DUSP22: variants seen among roughly 807,000 people sequenced by gnomAD.
DUSP22 encodes the protein dual specificity protein phosphatase 22.
A neutral mutation model predicts 24.5 loss-of-function variants in DUSP22; 24 were observed. The observed-to-expected ratio is 0.98, with a 90% confidence interval of 0.71 to 1.38. The LOEUF is 1.38. Ranked by LOEUF, DUSP22 falls within the 40% of genes most tolerant of loss-of-function variation. The pLI is 0.00. For missense variants in DUSP22, 330 were observed against 269.2 expected, an observed-to-expected ratio of 1.23 and a Z score of -1.58; for synonymous variants, 160 against 106.4, an observed-to-expected ratio of 1.50 and a Z score of -3.10.
intron 4 of DUSP22, among the ~76,000 whole-genome samples, chr6:344,385 A>G (rs1175226219): frequency 2.0e-5 from 3 of 152,304 alleles, no homozygotes; most frequent in Non-Finnish European, 2.9e-5. Flanking sequence ...TCCTGGGCTC[A>G]AGAGATCCTC....
intron 2 of DUSP22, among the ~76,000 whole-genome samples, chr6:308,327 C>A (rs576291919): frequency 1.1e-4 from 17 of 152,410 alleles, no homozygotes; most frequent in African/African-American, 3.4e-4. Flanking sequence ...CAGCTCATTA[C>A]CTCGCTGCTC....
intron 3 of DUSP22, among the ~76,000 whole-genome samples, chr6:329,093 T>C (rs1217838338): frequency 6.6e-6 from 1 of 152,302 alleles, no homozygotes; most frequent in East Asian, 1.9e-4. Context: ...ATGCTTTCTG[T>C]GGAATAAAGA....
chr6:294,528 A>T (rs1757239609), intron 1 of DUSP22, among the ~76,000 whole-genome samples: 1 of 152,292 alleles, frequency 6.6e-6, no homozygotes, highest in Non-Finnish European at 1.5e-5. Context: ...AATATATTTT[A>T]TTTAACAATA....
intron 4 of DUSP22, among the ~76,000 whole-genome samples, chr6:337,741 T>A (rs1354686156): frequency 6.6e-6 from 1 of 152,306 alleles, no homozygotes; most frequent in African/African-American, 2.4e-5. Flanking sequence ...GTGAACGTTT[T>A]ACTCTTTAAG....
At chr6:334,894 T>C (rs1165925131) in intron 3 of DUSP22, among the ~76,000 whole-genome samples, 1 of 152,306 alleles carries the variant, frequency 6.6e-6, no homozygotes, top group Admixed American at 6.5e-5. Flanking sequence ...ACCTACAGGC[T>C]GTTTGCAAAC....
Position 349,137 on chromosome 6 carries a change from A to G in DUSP22, c.*186A>G, listed in dbSNP as rs1760044408. On this transcript the variant is annotated 3_prime_UTR_variant, in exon 7 of 7. Coordinates refer to ENST00000419235, the MANE Select transcript of DUSP22 (RefSeq NM_001286555.3). ...AGGCCCCTGCACTCCGCCCACCCCT[A>G]CCCTGGCTGCACCTGAGCTTGCTGC... 1.4e-6 allele frequency: 2 copies of G among 1,436,974 alleles called. No homozygotes were observed. Among genetic ancestry groups the G allele is most frequent in the African/African-American group, 1.4e-5 (1 of 69,792 alleles). The allele number at this position is 1,436,974 out of a possible 1,614,324, so 89.0% of individuals were successfully genotyped here.
At chr6:300,490 C>T (rs1757529452) in intron 1 of DUSP22, among the ~76,000 whole-genome samples, 1 of 152,302 alleles carries the variant, frequency 6.6e-6, no homozygotes, top group Non-Finnish European at 1.5e-5. Context: ...GAAGCTGCTG[C>T]AGGAATTCAG....
chr6:348,786 G>T lies in DUSP22; in HGVS notation c.453G>T (p.Lys151Asn), dbSNP rs1255966275. The T allele has an allele frequency of 3.1e-6, 5 of 1,614,294 alleles. No homozygotes were observed. Among genetic ancestry groups the T allele is most frequent in the Non-Finnish European group, 4.2e-6 (5 of 1,180,048 alleles). Reference sequence around the variant, plus strand: ...CTCTCCAGTATCGGCAGTGGCTGAAGGAAGAATATGGAGAGAGCCCTTTGC... The same window carrying T: ...CTCTCCAGTATCGGCAGTGGCTGAATGAAGAATATGGAGAGAGCCCTTTGC... ...HEVHQYRQWLKEEYGESPLQD... is the reference protein window; with the variant it reads ...HEVHQYRQWLNEEYGESPLQD... The change falls in exon 7 of 7, where the codon AAG becomes AAT. Residue 151 changes from lysine to asparagine, a missense_variant. Coordinates refer to ENST00000419235, the MANE Select transcript of DUSP22 (RefSeq NM_001286555.3).
At chr6:307,797 A>C (rs576250798) in intron 2 of DUSP22, among the ~76,000 whole-genome samples, 1 of 152,426 alleles carries the variant, frequency 6.6e-6, no homozygotes, top group East Asian at 1.9e-4. Flanking sequence ...CCATGTTCGC[A>C]GTCTTGAGCT....
intron 1 of DUSP22, among the ~76,000 whole-genome samples, chr6:301,838 C>T (rs968191579): frequency 1.9e-4 from 29 of 152,264 alleles, no homozygotes; most frequent in African/African-American, 3.9e-4. Flanking sequence ...GGGCTCCAGA[C>T]GATGAATTTA....
At chr6:324,443 A>T (rs1758756140) in intron 3 of DUSP22, among the ~76,000 whole-genome samples, 1 of 152,308 alleles carries the variant, frequency 6.6e-6, no homozygotes, top group Non-Finnish European at 1.5e-5. Flanking sequence ...GGAATGCAGC[A>T]CGTCTCTAAT....
chr6:294,347 G>C (rs991778971), intron 1 of DUSP22, among the ~76,000 whole-genome samples: 1 of 42,662 alleles, frequency 2.3e-5, no homozygotes, highest in Non-Finnish European at 1.2e-4. Context: ...TGTTGTGCTA[G>C]TGGGTGGGGA....
Position 345,912 on chromosome 6 carries a change from A to T in DUSP22, c.247A>T (p.Ser83Cys). ...FIHECRLRGE[S>C]CLVHCLAGVS... is the part of the protein sequence containing the mutation. Reference sequence around the variant, plus strand: ...TCACGAGTGCCGGCTCCGCGGTGAGAGCTGCCTTGTACACTGGTACGTGTG... The same window carrying T: ...TCACGAGTGCCGGCTCCGCGGTGAGTGCTGCCTTGTACACTGGTACGTGTG... Residue 83 changes from serine to cysteine, a missense_variant, in exon 5 of 7, where the codon AGC becomes TGC. Transcript: ENST00000419235. 2.5e-6 allele frequency: 4 copies of T among 1,614,278 alleles called. No individual in the cohort carries two copies. Among genetic ancestry groups the T allele is most frequent in the Non-Finnish European group, 3.4e-6 (4 of 1,180,032 alleles).
At chr6:341,872 G>T (rs1390863545) in intron 4 of DUSP22, among the ~76,000 whole-genome samples, 1 of 152,304 alleles carries the variant, frequency 6.6e-6, no homozygotes, top group African/African-American at 2.4e-5. Flanking sequence ...TCTGGGCACG[G>T]ATGGGTTTGG....
intron 4 of DUSP22, among the ~76,000 whole-genome samples, chr6:344,764 C>G (rs1352413809): frequency 6.6e-6 from 1 of 152,310 alleles, no homozygotes; most frequent in Non-Finnish European, 1.5e-5. Context: ...CAGCTCTCCA[C>G]TGAGCTGCAG....
chr6:315,492 C>T (rs954804643), intron 3 of DUSP22, among the ~76,000 whole-genome samples: 1 of 152,300 alleles, frequency 6.6e-6, no homozygotes, highest in Non-Finnish European at 1.5e-5. Context: ...GCCCCACTGC[C>T]TCTGTTCTCT....
chr6:302,304 C>T (rs1376236876), intron 1 of DUSP22, among the ~76,000 whole-genome samples: 3 of 152,312 alleles, frequency 2.0e-5, no homozygotes, highest in Non-Finnish European at 4.4e-5. Context: ...TGGCACCTAA[C>T]TTGGAGTCTG....
chr6:304,696 A>G (rs745467173), intron 2 of DUSP22, 35 bp downstream of exon 2: 2 of 1,613,120 alleles, frequency 1.2e-6, no homozygotes, highest in South Asian at 1.1e-5. Context: ...GTGATAAAAT[A>G]CACATAACAT....
At chr6:319,915 T>C (rs1444622056) in intron 3 of DUSP22, 6 of 152,366 alleles carry the variant, frequency 3.9e-5, no homozygotes, top group African/African-American at 1.4e-4. Flanking sequence ...ATGACTCAAA[T>C]AGAAATGATT....
Sources: allele counts gnomAD v4.1 joint callset (sites outside exome capture counted in the v4.1 genomes callset), GRCh38; gene constraint gnomAD v4.1.1; transcripts MANE v1.5; gene names NCBI Gene and HGNC (gene_info 2026-07-23, HGNC 2026-07-21).